Variants in LRP1B observed in about 807,000 individuals in gnomAD.
The protein encoded by LRP1B is LDL receptor related protein 1B, also known as low-density lipoprotein receptor-related protein 1B.
A neutral mutation model predicts 556.6 loss-of-function variants in LRP1B; 217 were observed. That is an observed-to-expected ratio of 0.39 (90% CI 0.35 to 0.44). The LOEUF is 0.44. Among genes scored for constraint, LRP1B ranks in the 20% least tolerant of loss-of-function variants. The probability of loss-of-function intolerance (pLI) is 1.00; values close to 1 mark genes in which losing one functional copy is unlikely to be tolerated. For missense variants in LRP1B, 5,053 were observed against 5,620.8 expected, an observed-to-expected ratio of 0.90 and a Z score of 3.23; for synonymous variants, 2,047 against 1,865.8, an observed-to-expected ratio of 1.10 and a Z score of -2.50.
intron 41 of LRP1B, among the ~76,000 whole-genome samples, chr2:140,655,491 T>A (rs1427473190): frequency 1.3e-5 from 2 of 152,220 alleles, no homozygotes; most frequent in African/African-American, 4.8e-5. Context: ...TTGTTTCAGT[T>A]ATTCATGAAT....
At chr2:141,566,156 G>GA (rs748669440) in intron 2 of LRP1B, among the ~76,000 whole-genome samples, 38,925 of 142,060 alleles carry the variant, frequency 0.27, 5,494 homozygotes, top group East Asian at 0.49. Context: ...CACATTTCAG[G>GA]AAAAAAAAAA....
At chr2:140,651,757 C>A (rs540496752) in intron 41 of LRP1B, among the ~76,000 whole-genome samples, 2 of 152,050 alleles carry the variant, frequency 1.3e-5, no homozygotes, top group African/African-American at 2.4e-5. Context: ...GATTAGGAGA[C>A]ATATACATCA....
chr2:140,532,044 C>T (rs1324334995), intron 47 of LRP1B, among the ~76,000 whole-genome samples: 2 of 152,082 alleles, frequency 1.3e-5, no homozygotes, highest in Non-Finnish European at 1.5e-5. Context: ...ATCAATACTT[C>T]TGATCAACAT....
intron 23 of LRP1B, 106 bp from the exon 24 acceptor site, chr2:140,886,441 C>T (rs1693639116): frequency 1.5e-6 from 1 of 654,012 alleles, no homozygotes; most frequent in Non-Finnish European, 2.5e-6. Context: ...TTACATAATT[C>T]TCTGTCTTAA....
At position 142,097,296 on chromosome 2, in the gene LRP1B, A is replaced by G. The variant is rs143471449; in HGVS notation, c.82+33352T>C. 1.7e-3 allele frequency among the ~76,000 whole-genome samples: 261 copies of G among 151,810 alleles called. 2 individuals are homozygous for G. The highest frequency in any genetic ancestry group is 5.8e-3 in the African/African-American group (241 of 41,502). On this transcript the variant is annotated intron_variant, in intron 1 of 90. Transcript: ENST00000389484. ...AGCCTTTCTTTCTTACTTTTAAAAT[A>G]ATATAGGTCCATGATTCTTTAGTCA...
At chr2:141,496,221 A>T (rs1683502633) in intron 2 of LRP1B, among the ~76,000 whole-genome samples, 1 of 151,780 alleles carries the variant, frequency 6.6e-6, no homozygotes, top group Admixed American at 6.6e-5. Flanking sequence ...ATTTGTATGT[A>T]TGTGTCATAA....
chr2:140,317,206 A>G (rs1345640271), intron 82 of LRP1B, among the ~76,000 whole-genome samples: 1 of 152,050 alleles, frequency 6.6e-6, no homozygotes, highest in Non-Finnish European at 1.5e-5. Context: ...TTTAGACTCC[A>G]CCCCAAAGGT....
chr2:140,942,835 A>G (rs1057028985), intron 20 of LRP1B, among the ~76,000 whole-genome samples: 4 of 152,138 alleles, frequency 2.6e-5, no homozygotes, highest in African/African-American at 9.7e-5. Context: ...ACAAAAAGAC[A>G]TGTATATAGC....
At chr2:141,570,658 C>T (rs946775283) in intron 2 of LRP1B, among the ~76,000 whole-genome samples, 6 of 151,216 alleles carry the variant, frequency 4.0e-5, no homozygotes, top group South Asian at 2.1e-4. Context: ...CTAAGCTCCC[C>T]GGTTGGGGGA....
Position 140,335,827 on chromosome 2 carries a change from A to T in LRP1B, c.11904T>A (p.Phe3968Leu), listed in dbSNP as rs753771036. Residue 3968 changes from phenylalanine (F) to leucine (L), a missense_variant, in exon 78 of 91, where the codon TTT becomes TTA. Around this residue, in one of 5 missense-constraint regions of LRP1B, gnomAD observed 599 missense variants for 648.4 expected, o/e 0.92. Transcript: ENST00000389484. ...CAACTGCAATGTCCCTGGGCCTTTT[A>T]AATTCAGGACACTACAAGGAAACAA... ...QANSGLICPEFKRPRDIAVDW... is the reference protein window; with the variant it reads ...QANSGLICPELKRPRDIAVDW... 1 of 1,608,624 alleles carries T rather than the reference A, an allele frequency of 6.2e-7. No homozygotes were observed. Among genetic ancestry groups the T allele is most frequent in the African/African-American group, 1.3e-5 (1 of 74,838 alleles).
chr2:140,900,892 A>G (rs965904780), intron 23 of LRP1B, among the ~76,000 whole-genome samples: 13 of 152,180 alleles, frequency 8.5e-5, no homozygotes, highest in Non-Finnish European at 1.6e-4. Flanking sequence ...CGTCTCAAAG[A>G]ATATCCAGGA....
intron 21 of LRP1B, among the ~76,000 whole-genome samples, chr2:140,914,487 T>C (rs931906110): frequency 3.9e-5 from 6 of 152,018 alleles, no homozygotes; most frequent in African/African-American, 1.4e-4. Flanking sequence ...CAGCAATGCA[T>C]CGGGAAAAAA....
intron 3 of LRP1B, among the ~76,000 whole-genome samples, chr2:141,373,187 C>T (rs1689296726): frequency 6.6e-6 from 1 of 151,958 alleles, no homozygotes; most frequent in Non-Finnish European, 1.5e-5. Flanking sequence ...TAGTTTTAAT[C>T]CACTGTGGTC....
chr2:140,704,063 T>C (rs1190751647), intron 37 of LRP1B, among the ~76,000 whole-genome samples: 2 of 152,194 alleles, frequency 1.3e-5, no homozygotes, highest in Non-Finnish European at 2.9e-5. Context: ...TTAAGTTCCT[T>C]GTAAAATCTC....
At chr2:140,262,652 C>G (rs990098532) in intron 86 of LRP1B, among the ~76,000 whole-genome samples, 1 of 151,984 alleles carries the variant, frequency 6.6e-6, no homozygotes, top group Non-Finnish European at 1.5e-5. Flanking sequence ...CTGATGTGAG[C>G]AGAATAATAA....
At chr2:141,260,197 G>A (rs1424965287) in intron 3 of LRP1B, among the ~76,000 whole-genome samples, 5 of 152,074 alleles carry the variant, frequency 3.3e-5, no homozygotes, top group East Asian at 1.9e-4. Context: ...TAAGAAATAA[G>A]GATTTTCTAC....
intron 2 of LRP1B, among the ~76,000 whole-genome samples, chr2:141,484,036 C>T (rs1293503374): frequency 6.6e-6 from 1 of 152,084 alleles, no homozygotes; most frequent in Non-Finnish European, 1.5e-5. Context: ...GAAGTCCTTG[C>T]CCATGTCTAT....
chr2:141,188,807 G>A (rs573134468), intron 6 of LRP1B, among the ~76,000 whole-genome samples: 13 of 151,950 alleles, frequency 8.6e-5, no homozygotes, highest in South Asian at 2.1e-4. Context: ...GACTGAAGAC[G>A]ACCTAGATAC....
intron 1 of LRP1B, among the ~76,000 whole-genome samples, chr2:141,933,142 T>C (rs1238467473): frequency 6.6e-6 from 1 of 152,094 alleles, no homozygotes; most frequent in Non-Finnish European, 1.5e-5. Flanking sequence ...TTACCTCAGA[T>C]ATTTTATCTA....
Sources: allele counts gnomAD v4.1 joint callset (sites outside exome capture counted in the v4.1 genomes callset), GRCh38; gene constraint gnomAD v4.1.1; regional missense constraint gnomAD v4.1.1; transcripts MANE v1.5; gene names NCBI Gene and HGNC (gene_info 2026-07-23, HGNC 2026-07-21).